The following BCAS3 variants were observed in gnomAD, a reference collection of about 807,000 sequenced individuals.
BCAS3 encodes the protein BCAS4/BCAS3 fusion.
Under a neutral mutation model 116.1 loss-of-function variants are expected in BCAS3, and 53 were observed. The ratio of observed to expected loss-of-function variants is 0.46; its 90% CI spans 0.37 to 0.57. The LOEUF (loss-of-function observed/expected upper bound fraction) is 0.57. Ranked by LOEUF, BCAS3 falls within the 20% of genes least tolerant of loss-of-function variation. The pLI is 0.00. For missense variants in BCAS3, 917 were observed against 1,165.4 expected (o/e 0.79, Z 3.10); for synonymous variants, 391 against 408.2 (o/e 0.96, Z 0.51).
intron 12 of BCAS3, among the ~76,000 whole-genome samples, chr17:60,911,247 C>T (rs1398533697): frequency 2.0e-5 from 3 of 149,700 alleles, no homozygotes; most frequent in Non-Finnish European, 3.0e-5. Flanking sequence ...CTCAGCCTCC[C>T]GAGTAGCTGG....
At chr17:60,973,940 G>C (rs2062135935) in intron 14 of BCAS3, among the ~76,000 whole-genome samples, 2 of 152,094 alleles carry the variant, frequency 1.3e-5, no homozygotes, top group Non-Finnish European at 2.9e-5. Context: ...GGGTTGGAGG[G>C]AATGCTGTTG....
At chr17:61,153,085 C>T (rs1306261096) in intron 22 of BCAS3, among the ~76,000 whole-genome samples, 4 of 152,238 alleles carry the variant, frequency 2.6e-5, no homozygotes, top group Non-Finnish European at 4.4e-5. Context: ...AACTCCCTTT[C>T]TCTTCCCATA....
rs755754115 is a variant in BCAS3, at chr17:60,689,725, A to G, written c.178A>G (p.Ile60Val). 1.2e-6 allele frequency: 2 copies of G among 1,609,478 alleles called. No individual in the cohort carries two copies. The highest frequency in any genetic ancestry group is 1.7e-6 in the Non-Finnish European group (2 of 1,176,082). Reference protein sequence around the residue: ...GTPLTEEKEKIVWVRFENADL... With the variant: ...GTPLTEEKEKVVWVRFENADL... ...ACCTCTAACAGAAGAAAAGGAGAAA[A>G]TAGTCTGGGTCAGATTTGAAAATGC... Residue 60 changes from isoleucine to valine, a missense_variant, in exon 4 of 24, where the codon ATA becomes GTA. Transcript: ENST00000407086.
At position 60,714,414 on chromosome 17, in the gene BCAS3, C is replaced by T. The variant is rs1466702791; in HGVS notation, c.321+5089C>T. ...CCGCGGTGGCTCATGTCTGTAATCC[C>T]AGCACTTTGGAGGCCAAGGCAAGCA... is the stretch of plus-strand genomic sequence containing the variant. On this transcript the variant is annotated intron_variant, in intron 5 of 23. Transcript: ENST00000407086. 2.6e-5 allele frequency among the ~76,000 whole-genome samples: 4 copies of T among 152,050 alleles called. No homozygotes were observed. In the East Asian group the frequency reaches 7.7e-4, roughly 29 times the overall value.
At position 61,381,783 on chromosome 17, in the gene BCAS3, G is replaced by T. The variant is rs987275096; in HGVS notation, c.2594-10194G>T. Among the ~76,000 whole-genome samples the T allele has an allele frequency of 6.6e-6, 1 of 152,162 alleles. No individual in the cohort carries two copies. Among genetic ancestry groups the T allele is most frequent in the Non-Finnish European group, 1.5e-5 (1 of 68,040 alleles). ...CAGATGCCATGTGTGCCTGTATGTG[G>T]TTCTGGTTCTCTGGTAGGGTTGCTG... On this transcript the variant is annotated intron_variant, in intron 23 of 23. Transcript: ENST00000407086. This position sits in a 1 kb window ranked among gnomAD's most constrained non-coding sequence, Gnocchi z 6.0.
rs1487017561 is a variant in BCAS3, at chr17:61,106,295, A to C, written c.2425+21731A>C. ...AGTGGACCTTATATGCTCGTGCAAC[A>C]GTGTTCCAGTAAAATTATAATACCA... On this transcript the variant is annotated intron_variant, in intron 22 of 23. Coordinates refer to ENST00000407086, the MANE Select transcript of BCAS3 (RefSeq NM_017679.5). This position sits in a 1 kb window ranked among gnomAD's most constrained non-coding sequence, Gnocchi z 4.2. 1.3e-5 allele frequency among the ~76,000 whole-genome samples: 2 copies of C among 152,222 alleles called. No individual in the cohort carries two copies. Among genetic ancestry groups the C allele is most frequent in the Non-Finnish European group, 2.9e-5 (2 of 68,034 alleles).
chr17:61,305,947 C>T (rs970049246), intron 22 of BCAS3, among the ~76,000 whole-genome samples: 1 of 152,078 alleles, frequency 6.6e-6, no homozygotes, highest in Non-Finnish European at 1.5e-5. Flanking sequence ...GTCTTGATCC[C>T]CTGGTGGATG....
intron 16 of BCAS3, among the ~76,000 whole-genome samples, chr17:61,030,694 T>A (rs1327269419): frequency 6.6e-6 from 1 of 152,096 alleles, no homozygotes; most frequent in East Asian, 1.9e-4. Flanking sequence ...TTTGTTTGCT[T>A]GCGTGTTTGT....
intron 19 of BCAS3, among the ~76,000 whole-genome samples, chr17:61,062,014 AC>A (rs1190553321): frequency 6.6e-6 from 1 of 152,080 alleles, no homozygotes; most frequent in Non-Finnish European, 1.5e-5. Flanking sequence ...AAAACACATA[AC>A]CCACTATGCA....
At chr17:61,002,167 C>T (rs1484666668) in intron 15 of BCAS3, among the ~76,000 whole-genome samples, 1 of 151,952 alleles carries the variant, frequency 6.6e-6, no homozygotes, top group East Asian at 1.9e-4. Context: ...AAATTTAGTG[C>T]TATGAAAATT....
intron 5 of BCAS3, among the ~76,000 whole-genome samples, chr17:60,732,362 A>C (rs115085676): frequency 7.7e-4 from 117 of 152,338 alleles, no homozygotes; most frequent in African/African-American, 2.7e-3. Flanking sequence ...TAGCAAGGAA[A>C]ACAAGTTGCA....
intron 22 of BCAS3, among the ~76,000 whole-genome samples, chr17:61,160,277 CTGAGT>C (rs964555987): frequency 1.3e-5 from 2 of 148,934 alleles, no homozygotes; most frequent in Non-Finnish European, 3.0e-5. Flanking sequence ...TAAAAATAGT[CTGAGT>C]TAATTTTTTT....
rs2059704764 is a variant in BCAS3, at chr17:60,932,556, A to G, written c.1087+8056A>G. ...GGAGATCGAGACCATCCTGGCTAAC[A>G]TGGTGAAACCCCGTCTCTACTAAAA... On this transcript the variant is annotated intron_variant, in intron 13 of 23. Transcript: ENST00000407086. Among the ~76,000 whole-genome samples, 5 of 151,784 alleles carry G rather than the reference A, an allele frequency of 3.3e-5. No homozygotes were observed. In the South Asian group the frequency reaches 6.2e-4, roughly 19 times the overall value.
rs1382589707 is a variant in BCAS3, at chr17:61,243,099, A to G, written c.2426-125228A>G. Reference sequence around the variant, plus strand: ...TCTAATTTTTGTATTTTTAGTAGAGATGGGGTTTCACCATGTTGGCCAAGA... The same window carrying G: ...TCTAATTTTTGTATTTTTAGTAGAGGTGGGGTTTCACCATGTTGGCCAAGA... On this transcript the variant is annotated intron_variant, in intron 22 of 23. Transcript: ENST00000407086. This position sits in a 1 kb window ranked among gnomAD's most constrained non-coding sequence, Gnocchi z 5.6. 1.3e-5 allele frequency among the ~76,000 whole-genome samples: 2 copies of G among 152,072 alleles called. No homozygotes were observed. The highest frequency in any genetic ancestry group is 4.8e-5 in the African/African-American group (2 of 41,384).
At chr17:60,768,068 A>G (rs1230309738) in intron 6 of BCAS3, among the ~76,000 whole-genome samples, 1 of 152,198 alleles carries the variant, frequency 6.6e-6, no homozygotes, top group Non-Finnish European at 1.5e-5. Flanking sequence ...AAGTGCTGAG[A>G]TGAGAGGTGT....
Position 60,679,934 on chromosome 17 carries a change from C to T in BCAS3, c.83+394C>T, listed in dbSNP as rs532197753. ...CAGGCGGATCACGAGATCAGGAGATCGAGACCATCCTGGCTAAAACGGTGA... is the reference window on the plus strand; with the variant it reads ...CAGGCGGATCACGAGATCAGGAGATTGAGACCATCCTGGCTAAAACGGTGA... On this transcript the variant is annotated intron_variant, in intron 2 of 23. Coordinates refer to ENST00000407086, the MANE Select transcript of BCAS3 (RefSeq NM_017679.5). 1.7e-4 allele frequency among the ~76,000 whole-genome samples: 26 copies of T among 152,006 alleles called. No individual in the cohort carries two copies. The South Asian group carries it at 5.0e-3, about 29-fold the overall frequency.
In BCAS3 at chr17:61,196,884, G is replaced by A. The variant is rs542128961; in HGVS notation, c.2425+112320G>A. Among the ~76,000 whole-genome samples the A allele has an allele frequency of 2.0e-5, 3 of 152,224 alleles. No individual in the cohort carries two copies. Among genetic ancestry groups the A allele is most frequent in the Admixed American group, 6.5e-5 (1 of 15,278 alleles). On this transcript the variant is annotated intron_variant, in intron 22 of 23. Coordinates refer to ENST00000407086, the MANE Select transcript of BCAS3 (RefSeq NM_017679.5). The surrounding 1 kb of genome is among the most constrained non-coding windows in gnomAD (Gnocchi z 4.7). ...TTATTTGTAGAGAGATTGAAGAACC[G>A]GTCTCAGATTTATGTCCTGTTTACA...
At chr17:60,847,011 CT>C (rs2052600016) in intron 7 of BCAS3, among the ~76,000 whole-genome samples, 1 of 152,168 alleles carries the variant, frequency 6.6e-6, no homozygotes, top group Non-Finnish European at 1.5e-5. Context: ...AACCAACAAT[CT>C]GCCTTCTGTC....
rs548764955 is a variant in BCAS3, at chr17:61,324,030, A to G, written c.2426-44297A>G. Among the ~76,000 whole-genome samples, 1 of 152,312 alleles carries G rather than the reference A, an allele frequency of 6.6e-6. No individual in the cohort carries two copies. Among genetic ancestry groups the G allele is most frequent in the Admixed American group, 6.5e-5 (1 of 15,300 alleles). On this transcript the variant is annotated intron_variant, in intron 22 of 23. Transcript: ENST00000407086. This position sits in a 1 kb window ranked among gnomAD's most constrained non-coding sequence, Gnocchi z 4.6. ...GGGGATTTCCAGCTGGAATCCTCAC[A>G]CTTCTTTGGCTGGAGCCGCCTTCCT...
Sources: allele counts gnomAD v4.1 joint callset (sites outside exome capture counted in the v4.1 genomes callset), GRCh38; gene constraint gnomAD v4.1.1; non-coding constraint Gnocchi (gnomAD v3.1); transcripts MANE v1.5; gene names NCBI Gene and HGNC (gene_info 2026-07-23, HGNC 2026-07-21).